ACSL6: variants seen among roughly 807,000 people sequenced by gnomAD.
ACSL6 encodes the protein long-chain-fatty-acid--CoA ligase 6.
Under a neutral mutation model 98.2 loss-of-function variants are expected in ACSL6, and 47 were observed. The observed-to-expected ratio is 0.48, with a 90% CI of 0.38 to 0.61. The LOEUF (loss-of-function observed/expected upper bound fraction) is 0.61, where lower values mean the gene tolerates loss of function less well. Ranked by LOEUF, ACSL6 falls within the 20% of genes least tolerant of loss-of-function variation. The pLI is 0.00. For synonymous variants in ACSL6, 362 were observed against 336.9 expected (o/e 1.07, Z -0.82); for missense variants, 761 against 913.4 (o/e 0.83, Z 2.15).
At chr5:132,005,699 C>A (rs1029287981) in intron 1 of ACSL6, among the ~76,000 whole-genome samples, 1 of 152,210 alleles carries the variant, frequency 6.6e-6, no homozygotes, top group African/African-American at 2.4e-5. Flanking sequence ...AGGAGTCCCA[C>A]GGGGGAGTCT....
chr5:132,000,855 G>C (rs1755049769), intron 1 of ACSL6, among the ~76,000 whole-genome samples: 1 of 152,184 alleles, frequency 6.6e-6, no homozygotes, highest in Admixed American at 6.5e-5. Context: ...CTTGAAAGCT[G>C]TTTGCCCAAT....
intron 9 of ACSL6, among the ~76,000 whole-genome samples, chr5:131,978,905 G>A (rs143350230): frequency 8.0e-4 from 122 of 152,318 alleles, no homozygotes; most frequent in South Asian, 6.2e-3. Flanking sequence ...TGACTGAAAC[G>A]TATGGTGGAT....
At chr5:132,011,847 G>A (rs774724824), upstream of ACSL6, 227 of 1,504,800 alleles carry the variant, frequency 1.5e-4, no homozygotes, top group Non-Finnish European at 1.9e-4. The surrounding 1 kb of genome is among the most constrained non-coding windows in gnomAD (Gnocchi z 5.4). Context: ...CCAAGCTCCC[G>A]GGCGGGGGAG....
Position 131,990,968 on chromosome 5 carries a change from C to G in ACSL6, c.271-1G>C, listed in dbSNP as rs1561802975. 1 of 1,613,956 alleles carries G rather than the reference C, an allele frequency of 6.2e-7. No individual in the cohort carries two copies. Among genetic ancestry groups the G allele is most frequent in the Non-Finnish European group, 8.5e-7 (1 of 1,179,956 alleles). ...CAGATCGCCGTGCCCCGCCACTGTC[C>G]TACAAGCCAAGCACCGGCCAGAGAA... On this transcript the variant is annotated splice_acceptor_variant, in intron 2 of 20. Coordinates refer to ENST00000651883, the MANE Select transcript of ACSL6 (RefSeq NM_001009185.3). LOFTEE classifies it high-confidence loss of function.
rs17211907 is a variant in ACSL6, at chr5:131,985,548, A to G, written c.865-90T>C. On this transcript the variant is annotated intron_variant, in intron 8 of 20. Transcript: ENST00000651883. ...CTGGGCTCCCCAACCAGCCAGGCCC[A>G]TATGTATGCTGTATGTGGGTGTGAG... is the stretch of plus-strand genomic sequence containing the variant. 4.4e-3 allele frequency: 6,051 copies of G among 1,363,510 alleles called. 114 individuals carry two copies. In the African/African-American group the frequency reaches 0.05, roughly 11 times the overall value. The allele number at this position is 1,363,510 out of a possible 1,614,324, so 84.5% of individuals were successfully genotyped here.
chr5:131,967,315 C>T (rs545560549), intron 16 of ACSL6, among the ~76,000 whole-genome samples: 2 of 152,192 alleles, frequency 1.3e-5, no homozygotes, highest in South Asian at 2.1e-4. Context: ...ACTATAATCA[C>T]GCCACTGCAC....
intron 1 of ACSL6, chr5:131,994,753 C>T (rs1356035218): frequency 1.1e-5 from 2 of 178,504 alleles, no homozygotes; most frequent in Non-Finnish European, 2.4e-5. Flanking sequence ...AACTCCAGGC[C>T]CTGACCCTGA....
intron 9 of ACSL6, chr5:131,984,062 G>A (rs1754038035): frequency 1.3e-5 from 2 of 152,224 alleles, no homozygotes; most frequent in Admixed American, 6.5e-5. Context: ...AAAGACATTG[G>A]AAAGTGCTCT....
intron 1 of ACSL6, among the ~76,000 whole-genome samples, chr5:132,003,437 G>A (rs1163956591): frequency 1.3e-5 from 2 of 152,240 alleles, no homozygotes; most frequent in East Asian, 3.8e-4. Context: ...AGGAGCACTG[G>A]GAACTCAGGC....
chr5:131,972,119 G>T (rs10068992), intron 13 of ACSL6, among the ~76,000 whole-genome samples: 2,027 of 152,090 alleles, frequency 0.013, 52 homozygotes, highest in African/African-American at 0.044. Context: ...GAAACACTTT[G>T]TTTATGTAAG....
At chr5:132,008,872 G>C (rs1386746647) in intron 1 of ACSL6, among the ~76,000 whole-genome samples, 5 of 152,230 alleles carry the variant, frequency 3.3e-5, no homozygotes, top group Non-Finnish European at 7.3e-5. Flanking sequence ...TGCCCTTTTA[G>C]AAAGTTATCC....
At chr5:131,993,929 G>C in intron 2 of ACSL6, 102 bp downstream of exon 2, 2 of 1,242,720 alleles carry the variant, frequency 1.6e-6, no homozygotes, top group East Asian at 5.0e-5. Context: ...ACCTTCTCTG[G>C]GCCATGTGAG....
chr5:131,985,101 A>G, intron 9 of ACSL6: 1 of 402,022 alleles, frequency 2.5e-6, no homozygotes, highest in South Asian at 2.5e-5. Flanking sequence ...TACCAGAGAG[A>G]AATGATGCCA....
intron 13 of ACSL6, among the ~76,000 whole-genome samples, chr5:131,972,376 T>A (rs535673145): frequency 6.6e-6 from 1 of 152,044 alleles, no homozygotes; most frequent in Admixed American, 6.6e-5. Context: ...AAAGCCACCA[T>A]GGCCAGGATT....
rs775966834 is a variant in ACSL6, at chr5:131,960,656, C to T, written c.1858-35G>A. On this transcript the variant is annotated intron_variant, in intron 18 of 20. Transcript: ENST00000651883. ...TCACCAAAGGAGAACACAGTCATGA[C>T]AAATGCATTTAAAGTGGTTATTTGT... The T allele has an allele frequency of 5.2e-6, 8 of 1,548,152 alleles. No homozygotes were observed. The South Asian group carries it at 9.4e-5, about 18-fold the overall frequency.
At chr5:131,996,409 A>G (rs1397499851) in intron 1 of ACSL6, among the ~76,000 whole-genome samples, 1 of 152,232 alleles carries the variant, frequency 6.6e-6, no homozygotes, top group Non-Finnish European at 1.5e-5. Flanking sequence ...GGCCTATCAG[A>G]TAAATGACTC....
chr5:131,984,561 T>C (rs911677501), intron 9 of ACSL6: 12 of 152,298 alleles, frequency 7.9e-5, no homozygotes, highest in Admixed American at 2.6e-4. Context: ...TGGTGTCCCT[T>C]TGGAGCAAGC....
At chr5:131,966,246 G>A (rs186194229) in intron 17 of ACSL6, among the ~76,000 whole-genome samples, 170 bp downstream of exon 17, 37 of 152,216 alleles carry the variant, frequency 2.4e-4, no homozygotes, top group Non-Finnish European at 5.0e-4. Context: ...GTGAGAAGAG[G>A]AAGATGCTCT....
At chr5:131,956,229 A>AT (rs1487738243) in intron 20 of ACSL6, among the ~76,000 whole-genome samples, 5 of 152,252 alleles carry the variant, frequency 3.3e-5, no homozygotes, top group Non-Finnish European at 1.5e-5. Flanking sequence ...GGAGAGGTAT[A>AT]TAATGTCATT....
Sources: allele counts gnomAD v4.1 joint callset (sites outside exome capture counted in the v4.1 genomes callset), GRCh38; gene constraint gnomAD v4.1.1; non-coding constraint Gnocchi (gnomAD v3.1); transcripts MANE v1.5; gene names NCBI Gene and HGNC (gene_info 2026-07-23, HGNC 2026-07-21).